Variants in RBFOX1 observed in about 807,000 individuals in gnomAD.
The protein encoded by RBFOX1 is RNA binding fox-1 homolog 1, also known as RNA binding protein fox-1 homolog 1.
RBFOX1 carries 8 observed loss-of-function variants against 57.7 expected under a neutral mutation model. That is an observed-to-expected ratio of 0.14 (90% confidence interval 0.08 to 0.25). The LOEUF is 0.25. Ranked by LOEUF, RBFOX1 falls within the 10% of genes least tolerant of loss-of-function variation. The probability of loss-of-function intolerance (pLI) is 1.00; values close to 1 mark genes in which losing one functional copy is unlikely to be tolerated. For missense variants in RBFOX1, 611 were observed against 548.5 expected (o/e 1.11, Z -1.14); for synonymous variants, 326 against 222.4 (o/e 1.47, Z -4.15).
intron 3 of RBFOX1, among the ~76,000 whole-genome samples, chr16:5,611,719 T>TCTATCCATCCATCC (rs2047801150): frequency 1.0e-4 from 12 of 114,584 alleles, no homozygotes; most frequent in Non-Finnish European, 1.7e-5. Context: ...TCCATCCATC[T>TCTATCCATCCATCC]ATCCATCCAT....
At chr16:5,745,529 C>A (rs1298414973) in intron 3 of RBFOX1, among the ~76,000 whole-genome samples, 1 of 152,184 alleles carries the variant, frequency 6.6e-6, no homozygotes, top group Admixed American at 6.5e-5. Flanking sequence ...CTGTCTTCCA[C>A]AATGGTTGAA....
intron 4 of RBFOX1, among the ~76,000 whole-genome samples, chr16:7,084,803 C>G (rs944647194): frequency 6.6e-6 from 1 of 152,174 alleles, no homozygotes; most frequent in Non-Finnish European, 1.5e-5. Flanking sequence ...TCATATTCCC[C>G]CCTCTCTCAT....
intron 2 of RBFOX1, among the ~76,000 whole-genome samples, chr16:6,585,440 C>T (rs866427499): frequency 1.3e-5 from 2 of 152,284 alleles, no homozygotes; most frequent in Middle Eastern, 3.4e-3. Context: ...CTTGTATTCT[C>T]GGTCCCCTTT....
chr16:6,002,857 G>C (rs2060624951), intron 4 of RBFOX1, among the ~76,000 whole-genome samples: 1 of 151,950 alleles, frequency 6.6e-6, no homozygotes, highest in Admixed American at 6.5e-5. Flanking sequence ...AGGGTTGTGT[G>C]TTAAATATCC....
intron 1 of RBFOX1, among the ~76,000 whole-genome samples, chr16:6,074,713 G>C (rs9927211): frequency 0.82 from 124,284 of 152,170 alleles, 51,356 homozygotes; most frequent in African/African-American, 0.95. Flanking sequence ...AGGATTCTGA[G>C]TAAATGAACT....
At chr16:7,171,033 T>C (rs2080587373) in intron 4 of RBFOX1, among the ~76,000 whole-genome samples, 1 of 152,200 alleles carries the variant, frequency 6.6e-6, no homozygotes, top group Non-Finnish European at 1.5e-5. Flanking sequence ...TCACCTGCGA[T>C]GTCTCCTTCA....
At chr16:6,562,355 T>A (rs2097189900) in intron 2 of RBFOX1, among the ~76,000 whole-genome samples, 1 of 152,380 alleles carries the variant, frequency 6.6e-6, no homozygotes, top group African/African-American at 2.4e-5. Flanking sequence ...ATAACATTCT[T>A]GTGAGTGAAA....
chr16:6,525,377 A>G (rs1459056482), intron 2 of RBFOX1, among the ~76,000 whole-genome samples: 1 of 152,152 alleles, frequency 6.6e-6, no homozygotes, highest in African/African-American at 2.4e-5. Context: ...CCTGAGCAAG[A>G]GCGTGAGCTG....
intron 5 of RBFOX1, among the ~76,000 whole-genome samples, chr16:7,570,781 A>T (rs2092691474): frequency 6.6e-6 from 1 of 152,224 alleles, no homozygotes; most frequent in African/African-American, 2.4e-5. Flanking sequence ...AGACACACAT[A>T]CACATGTATG....
At chr16:7,688,254 TGTGTGTGAGAGAGA>T (rs1324908341) in intron 14 of RBFOX1, among the ~76,000 whole-genome samples, 2 of 115,686 alleles carry the variant, frequency 1.7e-5, no homozygotes, top group Non-Finnish European at 1.8e-5. Flanking sequence ...TGTGTGTGTG[TGTGTGTGAGAGAGA>T]GAGAGAGAGA....
intron 1 of RBFOX1, among the ~76,000 whole-genome samples, chr16:6,112,988 A>C (rs2152580465): frequency 6.6e-6 from 1 of 152,278 alleles, no homozygotes; most frequent in South Asian, 2.1e-4. Context: ...TGAAGCCAAG[A>C]AAAATGTATC....
chr16:5,398,146 A>C (rs920784409), intron 1 of RBFOX1, among the ~76,000 whole-genome samples: 3 of 152,202 alleles, frequency 2.0e-5, no homozygotes, highest in African/African-American at 7.2e-5. Context: ...GGGGACACCT[A>C]AGCTGACAAC....
chr16:7,368,631 T>A (rs963295001), intron 4 of RBFOX1, among the ~76,000 whole-genome samples: 6 of 151,486 alleles, frequency 4.0e-5, no homozygotes, highest in African/African-American at 1.5e-4. Flanking sequence ...ACAAAAAAAA[T>A]TAGCCAGGCG....
At chr16:7,063,008 G>A (rs2054958848) in intron 4 of RBFOX1, among the ~76,000 whole-genome samples, 1 of 141,142 alleles carries the variant, frequency 7.1e-6, no homozygotes, top group Non-Finnish European at 1.5e-5. Flanking sequence ...TGCTAAACTT[G>A]GAGAACTGCA....
intron 3 of RBFOX1, among the ~76,000 whole-genome samples, chr16:6,722,821 T>A (rs2154165616): frequency 6.6e-6 from 1 of 152,298 alleles, no homozygotes; most frequent in Non-Finnish European, 1.5e-5. Context: ...ATGGGTACAT[T>A]GGCTGCAATA....
intron 1 of RBFOX1, among the ~76,000 whole-genome samples, chr16:5,362,305 C>T (rs1185109148): frequency 1.3e-5 from 2 of 152,098 alleles, no homozygotes; most frequent in African/African-American, 4.8e-5. Flanking sequence ...ATTCTCTTGC[C>T]TCAGCCTCCC....
intron 4 of RBFOX1, among the ~76,000 whole-genome samples, chr16:7,083,127 C>T (rs191738515): frequency 3.3e-5 from 5 of 152,138 alleles, no homozygotes; most frequent in African/African-American, 1.2e-4. Context: ...ATTGAATCAT[C>T]AATTTGGTTA....
chr16:6,581,834 C>G (rs1207895763), intron 2 of RBFOX1, among the ~76,000 whole-genome samples: 2 of 152,186 alleles, frequency 1.3e-5, no homozygotes, highest in African/African-American at 2.4e-5. Flanking sequence ...TTATATCCCT[C>G]AAAGGATGCC....
intron 3 of RBFOX1, among the ~76,000 whole-genome samples, chr16:6,836,891 C>T (rs2093139141): frequency 1.3e-5 from 2 of 152,118 alleles, no homozygotes; most frequent in Non-Finnish European, 2.9e-5. Context: ...TATGGTTAAT[C>T]ATTGAATCAG....
Sources: gnomAD v4.1 joint callset for allele counts (sites outside exome capture counted in the v4.1 genomes callset) on GRCh38, gnomAD v4.1.1 for gene constraint, MANE v1.5 for transcripts, NCBI Gene and HGNC (gene_info 2026-07-23, HGNC 2026-07-21) for gene names.